Variants in CALM2 observed in about 807,000 individuals in gnomAD.
CALM2 encodes the protein calmodulin-2.
A neutral mutation model predicts 19.8 loss-of-function variants in CALM2; 2 were observed. The observed-to-expected ratio is 0.10, with a 90% CI of 0.04 to 0.32. The LOEUF (loss-of-function observed/expected upper bound fraction) is 0.32. CALM2 is among the 10% of genes least tolerant of loss of function. The probability of loss-of-function intolerance (pLI) is 1.00; values close to 1 mark genes in which losing one functional copy is unlikely to be tolerated. For missense variants in CALM2, 38 were observed against 178.7 expected (o/e 0.21, Z 4.49); for synonymous variants, 51 against 52.1 (o/e 0.98, Z 0.09).
At chr2:47,171,499 T>A (rs1016883813) in intron 1 of CALM2, 1 of 152,228 alleles carries the variant, frequency 6.6e-6, no homozygotes, top group Non-Finnish European at 1.5e-5. Flanking sequence ...TTAAGTGGGA[T>A]TGGGGCACAG....
chr2:47,161,996 C>T, intron 4 of CALM2, 138 bp from the exon 5 acceptor site: 1 of 727,334 alleles, frequency 1.4e-6, no homozygotes, highest in South Asian at 1.9e-5. Context: ...ACACAGTTGA[C>T]CTACAAATGT....
In CALM2 at chr2:47,176,290, G is replaced by A. The variant is rs1666865169; in HGVS notation, c.3+151C>T. ...GTGGGGGAGCACCTGCGACACAACC[G>A]TCGCCGGCATCCCTGGCCTCTTTCG... is the stretch of plus-strand genomic sequence containing the variant. On this transcript the variant is annotated intron_variant, in intron 1 of 5. Transcript: ENST00000272298. 3.0e-5 allele frequency: 27 copies of A among 894,810 alleles called. 1 individual carries two copies. The South Asian group carries it at 4.3e-4, about 14-fold the overall frequency. The allele number at this position is 894,810 out of a possible 1,614,324, so 55.4% of individuals were successfully genotyped here.
At chr2:47,161,936 C>A in intron 4 of CALM2, 78 bp from the exon 5 acceptor site, 1 of 1,147,546 alleles carries the variant, frequency 8.7e-7, no homozygotes, top group African/African-American at 1.6e-5. Flanking sequence ...AAGTTTACTA[C>A]TAAATTTCAC....
intron 5 of CALM2, among the ~76,000 whole-genome samples, 157 bp from the exon 6 acceptor site, chr2:47,160,961 C>CTT (rs1687136798): frequency 6.6e-6 from 1 of 151,826 alleles, no homozygotes; most frequent in Non-Finnish European, 1.5e-5. Flanking sequence ...TAGTTTATTG[C>CTT]CCAGGCTGGA....
At position 47,176,447 on chromosome 2, in the gene CALM2, G is replaced by A; in HGVS notation, c.-4C>T. ...AGCTCAGCGATGCACTCACCATGCTGCAAGCGCTACCGGTTTCCGAGACGC... is the reference window on the plus strand; with the variant it reads ...AGCTCAGCGATGCACTCACCATGCTACAAGCGCTACCGGTTTCCGAGACGC... On this transcript the variant is annotated 5_prime_UTR_variant, in exon 1 of 6. Coordinates refer to ENST00000272298, the MANE Select transcript of CALM2 (RefSeq NM_001743.6). The A allele has an allele frequency of 2.5e-6, 4 of 1,613,554 alleles. No homozygotes were observed. The highest frequency in any genetic ancestry group is 2.2e-5 in the East Asian group (1 of 44,858).
intron 2 of CALM2, among the ~76,000 whole-genome samples, chr2:47,166,427 A>G (rs1666473503): frequency 6.6e-6 from 1 of 152,248 alleles, no homozygotes; most frequent in Non-Finnish European, 1.5e-5. Flanking sequence ...TGGAAGATGC[A>G]TAGTGTAAGA....
intron 2 of CALM2, chr2:47,163,035 C>T (rs1012666905): frequency 4.2e-5 from 7 of 166,918 alleles, no homozygotes; most frequent in African/African-American, 1.7e-4. Flanking sequence ...TGACTGGCTC[C>T]TCTGTCACTG....
intron 1 of CALM2, among the ~76,000 whole-genome samples, chr2:47,175,608 G>A (rs1666831713): frequency 6.6e-6 from 1 of 152,138 alleles, no homozygotes; most frequent in South Asian, 2.1e-4. Flanking sequence ...CCTGGGTGGT[G>A]GAAGACGCCC....
At chr2:47,162,028 T>C (rs186427740) in intron 4 of CALM2, among the ~76,000 whole-genome samples, 170 bp from the exon 5 acceptor site, 2 of 152,074 alleles carry the variant, frequency 1.3e-5, no homozygotes, top group Non-Finnish European at 2.9e-5. Context: ...AAGCAAAATG[T>C]CCTACATTGA....
chr2:47,176,731 G>A (rs1044308340), upstream of CALM2: 6 of 1,376,218 alleles, frequency 4.4e-6, no homozygotes, highest in African/African-American at 1.5e-5. Context: ...CCAGCGAGCC[G>A]TTAAAAGGCC....
At chr2:47,176,679 C>A (rs1209168166), upstream of CALM2, 9 of 1,426,090 alleles carry the variant, frequency 6.3e-6, no homozygotes, top group Admixed American at 2.4e-4. Context: ...GGCAAGAGAT[C>A]AAGGAAAGTG....
intron 2 of CALM2, among the ~76,000 whole-genome samples, chr2:47,165,410 A>C (rs1276967961): frequency 3.9e-5 from 6 of 152,134 alleles, no homozygotes; most frequent in Admixed American, 6.5e-5. Flanking sequence ...TCACCTGGTC[A>C]CCCCCCATAA....
intron 2 of CALM2, among the ~76,000 whole-genome samples, chr2:47,165,497 C>T (rs1298500260): frequency 1.3e-5 from 2 of 152,170 alleles, no homozygotes; most frequent in Admixed American, 6.5e-5. Context: ...TAAAGACTAT[C>T]TCATTTTTTT....
upstream of CALM2, chr2:47,176,578 A>C (rs1666883077): frequency 1.3e-6 from 2 of 1,548,038 alleles, no homozygotes; most frequent in South Asian, 2.4e-5. Flanking sequence ...CGCCGCATCC[A>C]GATAACGGAA....
rs796437497 is a variant in CALM2, at chr2:47,175,085, T to TTTTTTGTTTG, written c.3+1355_3+1356insCAAACAAAAA. ...AGATCACCGCCCTCATTAGGTGTTT[T>TTTTTTGTTTG]TTTTTTTTTTTTTCAGGAAAGAACA... On this transcript the variant is annotated intron_variant, in intron 1 of 5. Transcript: ENST00000272298. Among the ~76,000 whole-genome samples, 266 of 130,636 alleles carry TTTTTTGTTTG rather than the reference T, an allele frequency of 2.0e-3. 10 individuals carry two copies. Among genetic ancestry groups the TTTTTTGTTTG allele is most frequent in the African/African-American group, 9.9e-3 (256 of 25,794 alleles). 85.7% of individuals were successfully genotyped at this position (130,636 alleles called of 152,430 possible).
intron 1 of CALM2, chr2:47,174,033 A>T (rs1558701788): frequency 6.6e-6 from 1 of 152,216 alleles, no homozygotes. Flanking sequence ...GCCTAACAGA[A>T]ACAGGCGTTG....
chr2:47,174,733 A>C (rs1297746090), intron 1 of CALM2, among the ~76,000 whole-genome samples: 3 of 152,048 alleles, frequency 2.0e-5, no homozygotes, highest in African/African-American at 7.3e-5. Flanking sequence ...ATTAAAGAAA[A>C]CTTTACCCTT....
At chr2:47,174,846 T>C (rs951355704) in intron 1 of CALM2, among the ~76,000 whole-genome samples, 19 of 152,264 alleles carry the variant, frequency 1.2e-4, no homozygotes, top group African/African-American at 4.6e-4. Context: ...ACATTCAAAT[T>C]CAGAATAACA....
rs1558694867 is a variant in CALM2, at chr2:47,162,401, GTTTAGTGGAAACATCAAAGC to G, written c.179-29_179-10del. 1.1e-5 allele frequency: 17 copies of G among 1,607,818 alleles called. No individual in the cohort carries two copies. The highest frequency in any genetic ancestry group is 5.0e-5 in the Admixed American group (3 of 59,424). On this transcript the variant is annotated splice_polypyrimidine_tract_variant and intron_variant, in intron 3 of 5. Transcript: ENST00000272298. ...GTCAATTGTGCCATTACCTGAAATG[GTTTAGTGGAAACATCAAAGC>G]TTTAGTGGAAACATATAAGCAAACA...
Sources: gnomAD v4.1 joint callset for allele counts (sites outside exome capture counted in the v4.1 genomes callset) on GRCh38, gnomAD v4.1.1 for gene constraint, MANE v1.5 for transcripts, NCBI Gene and HGNC (gene_info 2026-07-23, HGNC 2026-07-21) for gene names.